The following PCDH11Y variants were observed in gnomAD, a reference collection of about 807,000 sequenced individuals.
PCDH11Y encodes the protein protocadherin-11 Y-linked.
For missense variants in PCDH11Y, 12 were observed against 224.8 expected (o/e 0.05, Z 6.05); for synonymous variants, 9 against 83.6 (o/e 0.11, Z 4.87).
chrY:5,344,673 A>C (rs2053149957), intron 2 of PCDH11Y, among the ~76,000 whole-genome samples: 3 of 29,074 alleles, frequency 1.0e-4, no homozygotes, highest in Admixed American at 3.2e-4. Context: ...CTTTTCTTTT[A>C]TTTTTTTTTT....
At chrY:5,306,467 G>T (rs2053090885) in intron 2 of PCDH11Y, among the ~76,000 whole-genome samples, 1 of 33,226 alleles carries the variant, frequency 3.0e-5, no homozygotes, top group Non-Finnish European at 7.5e-5. Context: ...AAAATATGTT[G>T]TTTTATAAAT....
intron 1 of PCDH11Y, chrY:5,019,312 C>T: frequency 3.0e-5 from 1 of 33,094 alleles, no homozygotes; most frequent in Non-Finnish European, 7.4e-5. Flanking sequence ...TGGCTCACGC[C>T]TGTAATCCCA....
chrY:5,400,121 G>A, intron 2 of PCDH11Y, among the ~76,000 whole-genome samples: 1 of 33,538 alleles, frequency 3.0e-5, no homozygotes, highest in Non-Finnish European at 7.3e-5. Context: ...CCAGTGATAA[G>A]CATTGTTTCT....
intron 2 of PCDH11Y, among the ~76,000 whole-genome samples, chrY:5,313,615 A>G: frequency 3.2e-5 from 1 of 30,854 alleles, no homozygotes; most frequent in Non-Finnish European, 7.8e-5. Flanking sequence ...TGGAGAATGA[A>G]ATTGTTCTTG....
At chrY:5,141,469 A>C in intron 2 of PCDH11Y, among the ~76,000 whole-genome samples, 2 of 30,059 alleles carry the variant, frequency 6.7e-5, no homozygotes, top group African/African-American at 2.6e-4. Context: ...CCAACAGTGT[A>C]AAAGTGTTCC....
intron 4 of PCDH11Y, among the ~76,000 whole-genome samples, chrY:5,594,506 C>T (rs1602948106): frequency 6.1e-5 from 2 of 32,722 alleles, no homozygotes; most frequent in Admixed American, 2.7e-4. Flanking sequence ...CGAGGGGACA[C>T]GGAATGCAAA....
chrY:5,714,423 T>C, intron 4 of PCDH11Y, among the ~76,000 whole-genome samples: 1 of 33,328 alleles, frequency 3.0e-5, no homozygotes, highest in African/African-American at 1.2e-4. Flanking sequence ...CTTAAAGGCT[T>C]TAAAAAAGTT....
chrY:5,704,650 C>G, intron 4 of PCDH11Y, among the ~76,000 whole-genome samples: 1 of 30,849 alleles, frequency 3.2e-5, no homozygotes, highest in Non-Finnish European at 7.8e-5. Flanking sequence ...AGGATGGTCT[C>G]GATCTCCTGA....
chrY:5,400,022 G>A (rs2053231321), intron 2 of PCDH11Y, among the ~76,000 whole-genome samples: 3 of 33,404 alleles, frequency 9.0e-5, no homozygotes. Flanking sequence ...AGTTAAAGAC[G>A]CACACGCAGA....
intron 2 of PCDH11Y, among the ~76,000 whole-genome samples, chrY:5,386,110 T>C (rs2053214964): frequency 3.0e-5 from 1 of 33,694 alleles, no homozygotes; most frequent in Non-Finnish European, 7.3e-5. Context: ...TCTTCATTTA[T>C]AAAGCTTAGT....
chrY:5,347,241 G>A, intron 2 of PCDH11Y, among the ~76,000 whole-genome samples: 1 of 31,834 alleles, frequency 3.1e-5, no homozygotes, highest in Non-Finnish European at 7.6e-5. Context: ...ACCTGAGGTC[G>A]GGAGTTTGAG....
At chrY:5,290,886 G>GT (rs2053066715) in intron 2 of PCDH11Y, among the ~76,000 whole-genome samples, 1 of 16,044 alleles carries the variant, frequency 6.2e-5, no homozygotes, top group Non-Finnish European at 1.4e-4. Context: ...GATTCCTGTA[G>GT]TGTTGTTCCT....
In PCDH11Y at chrY:5,329,904, C is replaced by T; in HGVS notation, c.3130-171153C>T. On this transcript the variant is annotated intron_variant, in intron 2 of 4. Coordinates refer to the PCDH11Y transcript ENST00000400457. ...GACCTGAGGTCATAGGTGGATCTCA[C>T]GGAGCAAAAAGCGGGAGGACAGGGG... Among the ~76,000 whole-genome samples the T allele has an allele frequency of 1.2e-4, 4 of 32,964 alleles. No homozygotes were observed. In the East Asian group the frequency reaches 3.3e-3, roughly 27 times the overall value. The allele number at this position is 32,964 out of a possible 37,273, so 88.4% of individuals were successfully genotyped here.
intron 2 of PCDH11Y, among the ~76,000 whole-genome samples, chrY:5,488,851 A>G (rs2053335907): frequency 3.0e-5 from 1 of 33,021 alleles, no homozygotes; most frequent in East Asian, 7.8e-4. Flanking sequence ...TTGGACCTAG[A>G]GTCATTATAC....
intron 3 of PCDH11Y, among the ~76,000 whole-genome samples, chrY:5,556,517 TATAGATTCTTGATATTAGTCCTCTG>T (rs2053423097): frequency 1.5e-4 from 5 of 33,328 alleles, no homozygotes; most frequent in Non-Finnish European, 3.0e-4. Context: ...TTAACTTTCT[TATAGATTCTTGATATTAGTCCTCTG>T]ATAGATTCTT....
At chrY:5,477,416 A>G in intron 2 of PCDH11Y, among the ~76,000 whole-genome samples, 1 of 31,280 alleles carries the variant, frequency 3.2e-5, no homozygotes, top group Non-Finnish European at 7.7e-5. Flanking sequence ...GTTTTCCAGT[A>G]TTTTATTGAG....
intron 2 of PCDH11Y, among the ~76,000 whole-genome samples, chrY:5,492,853 C>A: frequency 3.0e-5 from 1 of 33,056 alleles, no homozygotes; most frequent in Non-Finnish European, 7.4e-5. Flanking sequence ...CTATTCATCT[C>A]ATATTAATTT....
At chrY:5,353,063 T>C (rs1483038322) in intron 2 of PCDH11Y, among the ~76,000 whole-genome samples, 1 of 29,889 alleles carries the variant, frequency 3.3e-5, no homozygotes, top group East Asian at 8.7e-4. Context: ...AGTCCAATGA[T>C]GCGATCTCGG....
chrY:5,630,026 G>A, intron 4 of PCDH11Y, among the ~76,000 whole-genome samples: 4 of 33,453 alleles, frequency 1.2e-4, no homozygotes, highest in Non-Finnish European at 3.0e-4. Flanking sequence ...AAATTACTGT[G>A]CATAAAAGGT....
Sources: gnomAD v4.1 joint callset for allele counts (sites outside exome capture counted in the v4.1 genomes callset) on GRCh38, gnomAD v4.1.1 for gene constraint, MANE v1.5 for transcripts, NCBI Gene and HGNC (gene_info 2026-07-23, HGNC 2026-07-21) for gene names.